HOMER2: variants seen among roughly 807,000 people sequenced by gnomAD.
HOMER2 encodes homer scaffold protein 2, also known as homer protein homolog 2.
A neutral mutation model predicts 47.0 loss-of-function variants in HOMER2; 27 were observed. The ratio of observed to expected loss-of-function variants is 0.57; its 90% CI spans 0.42 to 0.79. The LOEUF is 0.79. HOMER2 is among the 30% of genes least tolerant of loss of function. The pLI, the probability that HOMER2 is intolerant of heterozygous loss-of-function variation, is 0.00. For missense variants in HOMER2, 443 were observed against 435.0 expected, an observed-to-expected ratio of 1.02 and a Z score of -0.16; for synonymous variants, 161 against 163.8, an observed-to-expected ratio of 0.98 and a Z score of 0.13.
At chr15:82,892,224 G>T (rs1356600837) in intron 2 of HOMER2, among the ~76,000 whole-genome samples, 3 of 152,122 alleles carry the variant, frequency 2.0e-5, no homozygotes, top group Admixed American at 1.3e-4. Context: ...ATACAGGCTG[G>T]AAGAACGAAC....
upstream of HOMER2, chr15:82,985,982 A>C: frequency 1.4e-6 from 1 of 735,442 alleles, no homozygotes. Flanking sequence ...CAATCAAAGG[A>C]GCTTAATAGA....
intron 1 of HOMER2, among the ~76,000 whole-genome samples, chr15:82,967,141 G>A (rs2054681661): frequency 6.6e-6 from 1 of 152,080 alleles, no homozygotes; most frequent in Non-Finnish European, 1.5e-5. Context: ...CAGCTACTTG[G>A]GAGGCTGAGG....
At chr15:82,956,460 C>T (rs2054588685), upstream of HOMER2, among the ~76,000 whole-genome samples, 1 of 152,100 alleles carries the variant, frequency 6.6e-6, no homozygotes, top group Non-Finnish European at 1.5e-5. Context: ...TAAGGATTTG[C>T]AATTTATTCA....
intron 1 of HOMER2, among the ~76,000 whole-genome samples, chr15:82,961,983 C>G (rs559971725): frequency 8.6e-5 from 13 of 152,010 alleles, no homozygotes; most frequent in Non-Finnish European, 1.8e-4. Context: ...AGGCTGGTCT[C>G]AAACCTGTGA....
At chr15:82,979,932 G>A (rs1440437389) in intron 1 of HOMER2, among the ~76,000 whole-genome samples, 2 of 152,020 alleles carry the variant, frequency 1.3e-5, no homozygotes, top group African/African-American at 4.8e-5. Flanking sequence ...TATCCATTGA[G>A]TCATCAGAAC....
At chr15:82,880,827 G>A (rs1471905997) in intron 2 of HOMER2, among the ~76,000 whole-genome samples, 4 of 152,182 alleles carry the variant, frequency 2.6e-5, no homozygotes, top group African/African-American at 7.2e-5. Flanking sequence ...GCAGAAGGCT[G>A]ACTTAAGGAA....
intron 1 of HOMER2, among the ~76,000 whole-genome samples, chr15:82,934,502 C>T (rs1237202404): frequency 6.6e-6 from 1 of 152,136 alleles, no homozygotes; most frequent in Admixed American, 6.5e-5. Context: ...ACCCATCCTC[C>T]CAGTTCCCCG....
At chr15:82,949,795 C>A (rs1347702312) in intron 1 of HOMER2, among the ~76,000 whole-genome samples, 1 of 152,162 alleles carries the variant, frequency 6.6e-6, no homozygotes, top group Non-Finnish European at 1.5e-5. Context: ...AAATTCAGGT[C>A]CTCAGTCTCA....
intron 1 of HOMER2, among the ~76,000 whole-genome samples, chr15:82,947,572 T>C (rs926956078): frequency 5.9e-5 from 9 of 152,220 alleles, no homozygotes; most frequent in Admixed American, 4.6e-4. Flanking sequence ...ACAACTCCAG[T>C]ACTCAAATGA....
chr15:82,971,647 G>C (rs1437885318), intron 1 of HOMER2, among the ~76,000 whole-genome samples: 1 of 152,132 alleles, frequency 6.6e-6, no homozygotes, highest in Non-Finnish European at 1.5e-5. Flanking sequence ...AGATTTTAGA[G>C]GATTCTTGGA....
chr15:82,928,940 T>TAAAAAAAAAAA lies in HOMER2; in HGVS notation c.5+23580_5+23590dup. ...TAACAACTGGCAAAAAAATAAAAAC[T>TAAAAAAAAAAA]AAAAAAAAAAAAAAAAAAAAGCTGT... On this transcript the variant is annotated intron_variant, in intron 1 of 8. Coordinates refer to ENST00000450735, the MANE Select transcript of HOMER2 (RefSeq NM_004839.4). Among the ~76,000 whole-genome samples, 43 of 39,918 alleles carry TAAAAAAAAAAA rather than the reference T, an allele frequency of 1.1e-3. 7 individuals carry two copies. Among genetic ancestry groups the TAAAAAAAAAAA allele is most frequent in the African/African-American group, 4.3e-3 (28 of 6,478 alleles). The allele number at this position is 39,918 out of a possible 152,430, so 26.2% of individuals were successfully genotyped here.
intron 1 of HOMER2, among the ~76,000 whole-genome samples, chr15:82,909,023 G>A (rs560695098): frequency 6.6e-6 from 1 of 152,110 alleles, no homozygotes; most frequent in African/African-American, 2.4e-5. Context: ...AAGAGGAGAG[G>A]AACAACCAAA....
At chr15:82,902,257 G>C (rs1339354328) in intron 1 of HOMER2, among the ~76,000 whole-genome samples, 2 of 148,658 alleles carry the variant, frequency 1.3e-5, no homozygotes, top group South Asian at 4.2e-4. Flanking sequence ...TAATGCAGTG[G>C]TGCAATCTCG....
At chr15:82,888,941 C>T (rs939770213) in intron 2 of HOMER2, among the ~76,000 whole-genome samples, 2 of 152,168 alleles carry the variant, frequency 1.3e-5, no homozygotes, top group African/African-American at 4.8e-5. Flanking sequence ...CTTACTGAAA[C>T]ACATCCACTC....
At chr15:82,954,525 G>A (rs11853916), upstream of HOMER2, among the ~76,000 whole-genome samples, 1,592 of 148,656 alleles carry the variant, frequency 0.011, 31 homozygotes, top group African/African-American at 0.038. Flanking sequence ...TCCTGACCTC[G>A]TGATCCACCC....
Position 82,854,742 on chromosome 15 carries a change from G to C in HOMER2, c.553C>G (p.Arg185Gly). The C allele has an allele frequency of 6.2e-7, 1 of 1,612,352 alleles. No homozygotes were observed. Residue 185 changes from arginine (R) to glycine (G), a missense_variant, in exon 6 of 9, where the codon CGG becomes GGG. Arg to Gly is a moderately radical substitution (Grantham distance 125, BLOSUM62 -2). Transcript: ENST00000450735. Reference sequence around the variant, plus strand: ...GACTCCTGCAGTGCTGTGGTCAGCCGTGCATTGCTCTCCCGAAGGGTCTGC... The same window carrying C: ...GACTCCTGCAGTGCTGTGGTCAGCCCTGCATTGCTCTCCCGAAGGGTCTGC... ...ELQTLRESNA[R>G]LTTALQESAA...
At chr15:82,867,913 A>G (rs34347059) in intron 3 of HOMER2, among the ~76,000 whole-genome samples, 9,589 of 152,128 alleles carry the variant, frequency 0.063, 545 homozygotes, top group East Asian at 0.24. Flanking sequence ...ATAGAGAGAA[A>G]CTTCCTCTCA....
chr15:82,873,785 T>C (rs1257584885), intron 3 of HOMER2, among the ~76,000 whole-genome samples: 1 of 152,196 alleles, frequency 6.6e-6, no homozygotes, highest in Non-Finnish European at 1.5e-5. Flanking sequence ...TGGAAGTTCC[T>C]TGGGATGCAG....
chr15:82,890,593 C>G (rs2052672954), intron 2 of HOMER2, among the ~76,000 whole-genome samples: 1 of 152,302 alleles, frequency 6.6e-6, no homozygotes, highest in African/African-American at 2.4e-5. Flanking sequence ...GCTTGAACCC[C>G]ACCACATTGT....
Sources: gnomAD v4.1 joint callset for allele counts (sites outside exome capture counted in the v4.1 genomes callset) on GRCh38, gnomAD v4.1.1 for gene constraint, MANE v1.5 for transcripts, NCBI Gene and HGNC (gene_info 2026-07-23, HGNC 2026-07-21) for gene names.